ARHGAP15: variants seen among roughly 807,000 people sequenced by gnomAD.
ARHGAP15 encodes Rho GTPase activating protein 15.
Under a neutral mutation model 63.7 loss-of-function variants are expected in ARHGAP15, and 51 were observed. The observed-to-expected ratio is 0.80, with a 90% CI of 0.64 to 1.01. ARHGAP15 has a LOEUF of 1.01. ARHGAP15 is among the 50% of genes least tolerant of loss of function. The pLI is 0.00. For synonymous variants in ARHGAP15, 191 were observed against 193.8 expected (o/e 0.99, Z 0.12); for missense variants, 560 against 564.6 (o/e 0.99, Z 0.08).
At chr2:143,536,466 G>A (rs556639108) in intron 10 of ARHGAP15, among the ~76,000 whole-genome samples, 54 of 151,514 alleles carry the variant, frequency 3.6e-4, no homozygotes, top group Admixed American at 3.4e-3. Context: ...TTGGGGTGCT[G>A]CACCCATTAA....
intron 12 of ARHGAP15, among the ~76,000 whole-genome samples, chr2:143,694,566 T>A (rs2105401793): frequency 6.6e-6 from 1 of 152,324 alleles, no homozygotes; most frequent in African/African-American, 2.4e-5. Flanking sequence ...TGTTTATCAC[T>A]CCCAGTTCAG....
In ARHGAP15 at chr2:143,251,644, T is replaced by C. The variant is rs919461935; in HGVS notation, c.474+1044T>C. On this transcript the variant is annotated intron_variant, in intron 6 of 13. Transcript: ENST00000295095. ...TTTCTGGTTCTAGTTTTATTTTGCT[T>C]AGGTATAGAGATTTTTTATCAAACA... Among the ~76,000 whole-genome samples, 3 of 152,060 alleles carry C rather than the reference T, an allele frequency of 2.0e-5. No homozygotes were observed. The East Asian group carries it at 5.8e-4, about 29-fold the overall frequency.
At chr2:143,390,391 C>T (rs1341076608) in intron 6 of ARHGAP15, among the ~76,000 whole-genome samples, 1 of 152,190 alleles carries the variant, frequency 6.6e-6, no homozygotes, top group East Asian at 1.9e-4. Context: ...TAAAGCTCAT[C>T]TGTCCCTCCA....
chr2:143,321,034 G>A (rs928922426), intron 6 of ARHGAP15, among the ~76,000 whole-genome samples: 2 of 152,118 alleles, frequency 1.3e-5, no homozygotes, highest in Admixed American at 6.5e-5. Context: ...CACAGCCACG[G>A]CCCTTGGATA....
chr2:143,577,956 G>A (rs1282043995), intron 11 of ARHGAP15, among the ~76,000 whole-genome samples: 1 of 152,164 alleles, frequency 6.6e-6, no homozygotes, highest in Non-Finnish European at 1.5e-5. Flanking sequence ...AGATAGAAGA[G>A]ATGTCAAATG....
At chr2:143,241,486 G>A (rs1476926971) in intron 5 of ARHGAP15, among the ~76,000 whole-genome samples, 1 of 152,194 alleles carries the variant, frequency 6.6e-6, no homozygotes, top group Non-Finnish European at 1.5e-5. Flanking sequence ...ATAGAGTATA[G>A]TGGTTAGGAG....
chr2:143,142,719 A>T (rs1689420965), intron 1 of ARHGAP15, among the ~76,000 whole-genome samples: 2 of 152,128 alleles, frequency 1.3e-5, no homozygotes, highest in African/African-American at 4.8e-5. Flanking sequence ...ACATGTGTGC[A>T]TGCTCACACA....
chr2:143,467,242 C>CTTTTTTTTTTTTT (rs202115707), intron 8 of ARHGAP15, among the ~76,000 whole-genome samples: 8 of 57,892 alleles, frequency 1.4e-4, no homozygotes, highest in Admixed American at 5.0e-4. Flanking sequence ...ACTCCATGGC[C>CTTTTTTTTTTTTT]TTTTTTTTTT....
intron 6 of ARHGAP15, among the ~76,000 whole-genome samples, chr2:143,396,615 GTTT>G (rs34811392): frequency 1.4e-5 from 2 of 147,344 alleles, no homozygotes; most frequent in African/African-American, 5.0e-5. Context: ...AGGGATTTAA[GTTT>G]TTTTTTTTTT....
intron 5 of ARHGAP15, among the ~76,000 whole-genome samples, chr2:143,241,101 T>C (rs1693843988): frequency 6.6e-6 from 1 of 152,174 alleles, no homozygotes; most frequent in Admixed American, 6.5e-5. Flanking sequence ...TTCTCTAAGA[T>C]AAAATGAGCT....
At chr2:143,636,787 C>T (rs901485736) in intron 12 of ARHGAP15, among the ~76,000 whole-genome samples, 1 of 152,084 alleles carries the variant, frequency 6.6e-6, no homozygotes, top group African/African-American at 2.4e-5. Context: ...AATGTGCCCT[C>T]CTAAGGTTTG....
rs1210433942 is a variant in ARHGAP15 at position 143,465,622 on chromosome 2, A to G, written c.704-21751A>G. ...TTTCCAGTTTAGAAATCCAAATGCT[A>G]ATATATACATGCATATATTACATGA... On this transcript the variant is annotated intron_variant, in intron 8 of 13. Transcript: ENST00000295095. Among the ~76,000 whole-genome samples the G allele has an allele frequency of 3.9e-5, 6 of 152,294 alleles. No homozygotes were observed. In the East Asian group the frequency reaches 9.6e-4, roughly 24 times the overall value.
chr2:143,165,037 A>G (rs1690443318), intron 2 of ARHGAP15, among the ~76,000 whole-genome samples: 1 of 152,074 alleles, frequency 6.6e-6, no homozygotes. Context: ...TTTACTTCCT[A>G]AATCAAGGAA....
At chr2:143,210,771 G>T (rs577516714) in intron 3 of ARHGAP15, among the ~76,000 whole-genome samples, 2 of 152,232 alleles carry the variant, frequency 1.3e-5, no homozygotes, top group Non-Finnish European at 2.9e-5. Context: ...ACCTCTTTGA[G>T]AATTCTTGGT....
At chr2:143,507,130 T>A (rs1194655243) in intron 9 of ARHGAP15, among the ~76,000 whole-genome samples, 3 of 152,218 alleles carry the variant, frequency 2.0e-5, no homozygotes, top group Admixed American at 2.0e-4. Context: ...TAGCTTCCTC[T>A]ACTTAGTAAA....
At chr2:143,349,600 A>T (rs1442614918) in intron 6 of ARHGAP15, among the ~76,000 whole-genome samples, 1 of 152,238 alleles carries the variant, frequency 6.6e-6, no homozygotes, top group Admixed American at 6.5e-5. Flanking sequence ...ATTTACCTAC[A>T]TAACTAGACT....
At chr2:143,352,805 A>G (rs1360116839) in intron 6 of ARHGAP15, among the ~76,000 whole-genome samples, 2 of 152,218 alleles carry the variant, frequency 1.3e-5, no homozygotes, top group Admixed American at 1.3e-4. Context: ...TTCCACATAA[A>G]TAAACTGTCA....
chr2:143,205,924 TC>T (rs889842013), intron 3 of ARHGAP15, among the ~76,000 whole-genome samples: 1 of 151,744 alleles, frequency 6.6e-6, no homozygotes, highest in African/African-American at 2.4e-5. Context: ...TACCCTATCA[TC>T]CCCCCCACTG....
chr2:143,586,347 AT>A (rs901432460), intron 11 of ARHGAP15, among the ~76,000 whole-genome samples: 1 of 150,990 alleles, frequency 6.6e-6, no homozygotes, highest in Admixed American at 6.6e-5. Flanking sequence ...TACATCTTTA[AT>A]TTTTTTTTCT....
Sources: allele counts gnomAD v4.1 joint callset (sites outside exome capture counted in the v4.1 genomes callset), GRCh38; gene constraint gnomAD v4.1.1; transcripts MANE v1.5; gene names NCBI Gene and HGNC (gene_info 2026-07-23, HGNC 2026-07-21).